The following LIPA variants were observed in gnomAD, a reference collection of about 807,000 sequenced individuals.
The protein encoded by LIPA is lysosomal acid lipase/cholesteryl ester hydrolase.
Under a neutral mutation model 40.6 loss-of-function variants are expected in LIPA, and 26 were observed. The ratio of observed to expected loss-of-function variants is 0.64; its 90% CI spans 0.47 to 0.89. LIPA has a LOEUF of 0.89. Ranked by LOEUF, LIPA falls within the 40% of genes least tolerant of loss-of-function variation. LIPA has a pLI of 0.00. For synonymous variants in LIPA, 188 were observed against 168.4 expected, an observed-to-expected ratio of 1.12 and a Z score of -0.90; for missense variants, 455 against 479.6, an observed-to-expected ratio of 0.95 and a Z score of 0.48.
chr10:89,332,689 T>G, intron 1 of LIPA: 1 of 1,525,704 alleles, frequency 6.6e-7, no homozygotes, highest in Non-Finnish European at 9.1e-7. Context: ...TCCTGACTTA[T>G]GCTATTTCAG....
intron 1 of LIPA, chr10:89,284,086 T>C (rs950396535): frequency 6.6e-6 from 1 of 152,236 alleles, no homozygotes; most frequent in Non-Finnish European, 1.5e-5. Context: ...CATTCCCTGA[T>C]GGAAGCCTTT....
chr10:89,402,271 G>T, intron 2 of LIPA: 1 of 1,558,544 alleles, frequency 6.4e-7, no homozygotes, highest in South Asian at 1.2e-5. Context: ...ATCTGTTTTT[G>T]TTTTTACAGT....
chr10:89,405,410 T>C (rs1415380514), intron 2 of LIPA: 1 of 152,208 alleles, frequency 6.6e-6, no homozygotes, highest in Non-Finnish European at 1.5e-5. Context: ...GCAATGTTAT[T>C]GATCTTTCAT....
At chr10:89,243,392 A>C (rs1374443224) in intron 3 of LIPA, among the ~76,000 whole-genome samples, 1 of 152,352 alleles carries the variant, frequency 6.6e-6, no homozygotes, top group Non-Finnish European at 1.5e-5. Flanking sequence ...TATGACATAC[A>C]CATCAGTGAT....
intron 7 of LIPA, among the ~76,000 whole-genome samples, chr10:89,223,476 A>G (rs2133426573): frequency 6.6e-6 from 1 of 152,322 alleles, no homozygotes; most frequent in East Asian, 1.9e-4. Flanking sequence ...TCTAGGTACA[A>G]CATAAGAAGG....
rs201812789 is a variant in LIPA, at chr10:89,267,676, A to G, written c.-1-20027T>C. 1.2e-3 allele frequency among the ~76,000 whole-genome samples: 182 copies of G among 150,274 alleles called. 1 individual carries two copies. The East Asian group carries it at 0.019, about 16-fold the overall frequency. The stretch of plus-strand genomic sequence containing the variant: ...GCGCACCAGCATGGCACATGTATAC[A>G]TATGTAACTAACCTGCACAATGTGC... On this transcript the variant is annotated intron_variant, in intron 1 of 5. Transcript: ENST00000282673.
chr10:89,223,564 C>G, intron 7 of LIPA, 120 bp downstream of exon 7: 1 of 884,490 alleles, frequency 1.1e-6, no homozygotes, highest in East Asian at 2.5e-5. Context: ...TTGTGCCTCT[C>G]AAATGAAAGA....
At chr10:89,254,911 T>A (rs1843173208), upstream of LIPA, among the ~76,000 whole-genome samples, 1 of 152,168 alleles carries the variant, frequency 6.6e-6, no homozygotes, top group Admixed American at 6.5e-5. Flanking sequence ...TTTACTACAG[T>A]TCACAACAAG....
In LIPA at chr10:89,338,630, A is replaced by C. The variant is rs771013826; in HGVS notation, c.-2+3981T>G. 6 of 1,588,878 alleles carry C rather than the reference A, an allele frequency of 3.8e-6. No individual in the cohort carries two copies. In the South Asian group the frequency reaches 5.8e-5, roughly 15 times the overall value. On this transcript the variant is annotated intron_variant, in intron 1 of 5. Coordinates refer to the LIPA transcript ENST00000282673. ...CAGGGTGCAGTGCTTGGCAGTGTAC[A>C]TCACAGTGACCATGTTTATTTTCTC... is the stretch of plus-strand genomic sequence containing the variant.
chr10:89,259,533 C>A (rs562238461), intron 1 of LIPA, among the ~76,000 whole-genome samples: 1 of 152,302 alleles, frequency 6.6e-6, no homozygotes, highest in Non-Finnish European at 1.5e-5. Context: ...TATGGCCCAG[C>A]TATTCTACTC....
chr10:89,226,225 A>G, intron 5 of LIPA, among the ~76,000 whole-genome samples: 1 of 152,224 alleles, frequency 6.6e-6, no homozygotes, highest in East Asian at 1.9e-4. Flanking sequence ...GAGACCCTTC[A>G]AAACATTCAT....
intron 1 of LIPA, among the ~76,000 whole-genome samples, chr10:89,333,817 G>C (rs75866340): frequency 6.6e-6 from 1 of 152,332 alleles, no homozygotes; most frequent in East Asian, 1.9e-4. Flanking sequence ...GAGATCCCCC[G>C]GGAGGTTGTA....
rs116151577 is a variant in LIPA, at chr10:89,297,921, T to C, written c.-2+44690A>G. Among the ~76,000 whole-genome samples, 185 of 152,324 alleles carry C rather than the reference T, an allele frequency of 1.2e-3. 4 individuals are homozygous for C. Among genetic ancestry groups the C allele is most frequent in the African/African-American group, 4.4e-3 (181 of 41,568 alleles). ...CCACTGGACGCATGGCCTCTGTGCC[T>C]AGGCTCACACCTAAAGAACAGCGTC... On this transcript the variant is annotated intron_variant, in intron 1 of 5. Transcript: ENST00000282673.
chr10:89,315,737 C>T (rs1352884134), intron 1 of LIPA, among the ~76,000 whole-genome samples: 1 of 152,162 alleles, frequency 6.6e-6, no homozygotes, highest in Non-Finnish European at 1.5e-5. Flanking sequence ...GAAAGCTAAA[C>T]AGCTCACAGA....
intron 2 of LIPA, among the ~76,000 whole-genome samples, chr10:89,246,373 TA>T (rs1214265243): frequency 6.6e-6 from 1 of 152,198 alleles, no homozygotes; most frequent in Non-Finnish European, 1.5e-5. Flanking sequence ...GGGATATGGA[TA>T]ATTCAATTAT....
At chr10:89,318,475 C>A (rs1335804830) in intron 1 of LIPA, among the ~76,000 whole-genome samples, 1 of 152,166 alleles carries the variant, frequency 6.6e-6, no homozygotes, top group African/African-American at 2.4e-5. Context: ...AAGGCCATTA[C>A]ATAATGGTAA....
intron 1 of LIPA, among the ~76,000 whole-genome samples, chr10:89,296,559 G>A (rs995059779): frequency 4.4e-4 from 67 of 151,172 alleles, no homozygotes; most frequent in African/African-American, 1.5e-3. Flanking sequence ...TCTTGCGTAA[G>A]ACACAAAAGT....
chr10:89,225,667 T>C (rs548706249), intron 5 of LIPA, among the ~76,000 whole-genome samples: 1 of 152,234 alleles, frequency 6.6e-6, no homozygotes, highest in African/African-American at 2.4e-5. Context: ...ACATTTAGAA[T>C]CCCCTAGCTT....
intron 1 of LIPA, among the ~76,000 whole-genome samples, chr10:89,330,748 A>C (rs1843641702): frequency 1.2e-5 from 1 of 86,284 alleles, no homozygotes. Context: ...TCTTCCCTTC[A>C]CTCAAGATGC....
Sources: allele counts gnomAD v4.1 joint callset (sites outside exome capture counted in the v4.1 genomes callset), GRCh38; gene constraint gnomAD v4.1.1; transcripts MANE v1.5; gene names NCBI Gene and HGNC (gene_info 2026-07-23, HGNC 2026-07-21).